The following CAND2 variants were observed in gnomAD, a reference collection of about 807,000 sequenced individuals.
CAND2 encodes the protein cullin-associated NEDD8-dissociated protein 2.
CAND2 carries 62 observed loss-of-function variants against 98.9 expected under a neutral mutation model. That is an observed-to-expected ratio of 0.63 (90% CI 0.51 to 0.77). The LOEUF (loss-of-function observed/expected upper bound fraction) is 0.77. Among genes scored for constraint, CAND2 ranks in the 30% least tolerant of loss-of-function variants. The pLI is 0.00. For missense variants in CAND2, 1,501 were observed against 1,655.2 expected (o/e 0.91, Z 1.62); for synonymous variants, 770 against 731.9 (o/e 1.05, Z -0.84).
At chr3:12,800,468 G>A (rs780123988) in intron 1 of CAND2, among the ~76,000 whole-genome samples, 1 of 152,200 alleles carries the variant, frequency 6.6e-6, no homozygotes, top group Non-Finnish European at 1.5e-5. Flanking sequence ...AGCAGGGTCA[G>A]TAAAAGCTGG....
rs566255061 is a variant in CAND2, at chr3:12,834,356, T to A, written c.*374T>A. On this transcript the variant is annotated 3_prime_UTR_variant, in exon 15 of 15. Coordinates refer to ENST00000456430, the MANE Select transcript of CAND2 (RefSeq NM_001162499.2). ...AGGCTGTGCTGTCAGCTGTAAAAGA[T>A]CAGGAGGCAGCAGACACCACTCTGG... 1.9e-4 allele frequency: 40 copies of A among 211,802 alleles called. No homozygotes were observed. Among genetic ancestry groups the A allele is most frequent in the African/African-American group, 7.0e-4 (31 of 44,492 alleles). 13.1% of individuals were successfully genotyped at this position (211,802 alleles called of 1,614,324 possible).
Position 12,812,997 on chromosome 3 carries a change from C to A in CAND2, c.765C>A (p.His255Gln), listed in dbSNP as rs2061865443. 6.4e-7 allele frequency: 1 copy of A among 1,569,914 alleles called. No homozygotes were observed. The highest frequency in any genetic ancestry group is 1.3e-5 in the African/African-American group (1 of 74,488). ...GRQAGHRLGA[H>Q]LDRLVPLVED... The stretch of plus-strand genomic sequence containing the variant: ...ATCCACCTGGCCCTGCAGGGGCTCA[C>A]CTGGACCGCCTGGTGCCCCTGGTGG... The change falls in exon 6 of 15, where the codon CAC (histidine) becomes CAA (glutamine). Residue 255 changes from histidine to glutamine, a missense_variant. Physicochemically the swap from His to Gln is conservative, Grantham distance 24. Around this residue, in one of 3 missense-constraint regions of CAND2, gnomAD observed 1,427 missense variants for 1,545.3 expected, o/e 0.92. Transcript: ENST00000456430.
At chr3:12,822,588 C>T (rs1238766437) in intron 11 of CAND2, among the ~76,000 whole-genome samples, 3 of 152,144 alleles carry the variant, frequency 2.0e-5, no homozygotes, top group Admixed American at 6.5e-5. Flanking sequence ...CGTGAGCCCC[C>T]GTGCCCAGCC....
At chr3:12,797,772 C>T (rs1042592665) in intron 1 of CAND2, among the ~76,000 whole-genome samples, 3 of 80,470 alleles carry the variant, frequency 3.7e-5, no homozygotes, top group Non-Finnish European at 7.0e-5. Flanking sequence ...TAGGTTCAGT[C>T]ACAGCGAGGA....
At position 12,816,745 on chromosome 3, in the gene CAND2, C is replaced by T. The variant is rs367818782; in HGVS notation, c.1813C>T (p.Arg605Trp). Residue 605 changes from arginine to tryptophan, a missense_variant, in exon 10 of 15, where the codon CGG (arginine) becomes TGG (tryptophan). Arg to Trp is a moderately radical substitution (Grantham distance 101). Coordinates refer to ENST00000456430, the MANE Select transcript of CAND2 (RefSeq NM_001162499.2). Reference sequence around the variant, plus strand: ...CCACCTTGTAGGCCACCTGGGTGACCGGCTTGGGGATGACCTGGAGCCCAC... The same window carrying T: ...CCACCTTGTAGGCCACCTGGGTGACTGGCTTGGGGATGACCTGGAGCCCAC... ...MGHLVGHLGDRLGDDLEPTLL... is the reference protein window; with the variant it reads ...MGHLVGHLGDWLGDDLEPTLL... 5.6e-5 allele frequency: 90 copies of T among 1,613,506 alleles called. No individual in the cohort carries two copies. Among genetic ancestry groups the T allele is most frequent in the East Asian group, 2.7e-4 (12 of 44,886 alleles).
In CAND2 at chr3:12,815,067, C is replaced by T; in HGVS notation, c.1007-74C>T. 1 of 1,471,184 alleles carries T rather than the reference C, an allele frequency of 6.8e-7. No homozygotes were observed. The highest frequency in any genetic ancestry group is 9.3e-7 in the Non-Finnish European group (1 of 1,074,670). 91.1% of individuals were successfully genotyped at this position (1,471,184 alleles called of 1,614,324 possible). On this transcript the variant is annotated intron_variant, in intron 7 of 14. Transcript: ENST00000456430. The surrounding 1 kb of genome is among the most constrained non-coding windows in gnomAD (Gnocchi z 5.7). ...CACAGTGCCCAGCTCTCTCTCCTCC[C>T]TGTCCCTTCTCCCCCGAGCCACAGA...
chr3:12,828,948 C>G (rs954879711), intron 13 of CAND2, among the ~76,000 whole-genome samples: 6 of 152,166 alleles, frequency 3.9e-5, no homozygotes, highest in Non-Finnish European at 8.8e-5. Flanking sequence ...ACCCATTCAT[C>G]CATCGCTGGA....
intron 2 of CAND2, 123 bp from the exon 3 acceptor site, chr3:12,807,183 C>A: frequency 1.2e-6 from 1 of 852,874 alleles, no homozygotes; most frequent in Non-Finnish European, 1.8e-6. Flanking sequence ...CAGGGGCTCC[C>A]CTGATGATCT....
chr3:12,811,753 G>T (rs957078902), intron 5 of CAND2, among the ~76,000 whole-genome samples: 4 of 152,170 alleles, frequency 2.6e-5, no homozygotes, highest in East Asian at 3.9e-4. Context: ...TGTATTTTTA[G>T]TAGAGACGGG....
At position 12,827,609 on chromosome 3, in the gene CAND2, G is replaced by A; in HGVS notation, c.3375+5G>A. The A allele has an allele frequency of 6.2e-7, 1 of 1,602,744 alleles. No individual in the cohort carries two copies. Among genetic ancestry groups the A allele is most frequent in the Non-Finnish European group, 8.5e-7 (1 of 1,172,902 alleles). The stretch of plus-strand genomic sequence containing the variant: ...AAGGACCACTACGACATCCGGGTAA[G>A]ACCAAGCCCCCTGCCAGATCTATGT... On this transcript the variant is annotated splice_donor_5th_base_variant and intron_variant, in intron 13 of 14. Coordinates refer to ENST00000456430, the MANE Select transcript of CAND2 (RefSeq NM_001162499.2).
intron 14 of CAND2, among the ~76,000 whole-genome samples, chr3:12,833,193 T>C (rs186619795): frequency 6.6e-6 from 1 of 152,300 alleles, no homozygotes; most frequent in African/African-American, 2.4e-5. Context: ...GTGGAGGAAT[T>C]ACTGAGCTCC....
rs190827980 is a variant in CAND2 at position 12,833,836 on chromosome 3, C to T, written c.3565C>T (p.Leu1189=). The part of the protein sequence containing the change: ...RSAMRAVAAL[L]TIPEVGKSPI... ...TGCAATGAGGGCAGTGGCTGCCCTG[C>T]TGACCATCCCCGAGGTGGGGAAAAG... Residue 1189 remains leucine (L), a synonymous_variant, in exon 15 of 15, where the codon CTG becomes TTG. Transcript: ENST00000456430. The T allele has an allele frequency of 2.2e-4, 353 of 1,614,154 alleles. 2 individuals are homozygous for T. In the East Asian group the frequency reaches 7.6e-3, roughly 35 times the overall value.
chr3:12,813,004 C>T lies in CAND2; in HGVS notation c.772C>T (p.Arg258Cys), dbSNP rs747292902. The change falls in exon 6 of 15, where the codon CGC (arginine) becomes TGC (cysteine). Residue 258 changes from arginine to cysteine, a missense_variant. Coordinates refer to ENST00000456430, the MANE Select transcript of CAND2 (RefSeq NM_001162499.2). ...TGGCCCTGCAGGGGCTCACCTGGAC[C>T]GCCTGGTGCCCCTGGTGGAGGATTT... is the stretch of plus-strand genomic sequence containing the variant. Reference protein sequence around the residue: ...AGHRLGAHLDRLVPLVEDFCN... With the variant: ...AGHRLGAHLDCLVPLVEDFCN... 19 of 1,573,760 alleles carry T rather than the reference C, an allele frequency of 1.2e-5. No homozygotes were observed. The highest frequency in any genetic ancestry group is 6.9e-5 in the East Asian group (3 of 43,712).
intron 1 of CAND2, among the ~76,000 whole-genome samples, chr3:12,797,038 G>T (rs887966832): frequency 6.6e-6 from 1 of 151,322 alleles, no homozygotes; most frequent in Non-Finnish European, 1.5e-5. Context: ...GTCTCCCACC[G>T]TGCAGGCTTC....
At chr3:12,830,118 G>A (rs2062041048) in intron 13 of CAND2, among the ~76,000 whole-genome samples, 1 of 152,096 alleles carries the variant, frequency 6.6e-6, no homozygotes, top group Non-Finnish European at 1.5e-5. Flanking sequence ...TTCCTGGGAC[G>A]CTCCTTCCTG....
chr3:12,812,477 T>C (rs2061861275), intron 5 of CAND2, among the ~76,000 whole-genome samples: 4 of 134,708 alleles, frequency 3.0e-5, no homozygotes, highest in African/African-American at 8.6e-5. Context: ...CAATCTCGGC[T>C]CACTGCAAGC....
Position 12,815,566 on chromosome 3 carries a change from G to C in CAND2, c.1299+133G>C, listed in dbSNP as rs538545120. The C allele has an allele frequency of 9.9e-6, 10 of 1,007,970 alleles. No homozygotes were observed. The highest frequency in any genetic ancestry group is 3.3e-5 in the African/African-American group (2 of 61,388). 62.4% of individuals were successfully genotyped at this position (1,007,970 alleles called of 1,614,324 possible). A position where few individuals can be genotyped will look rare whatever the true frequency, so the allele number is the denominator to read the frequency against. Reference sequence around the variant, plus strand: ...AGGGAAGGGAAGGGGTCCCTGGGGTGGGGGGCGGGAGCCAGCCAGGCTTCT... The same window carrying C: ...AGGGAAGGGAAGGGGTCCCTGGGGTCGGGGGCGGGAGCCAGCCAGGCTTCT... On this transcript the variant is annotated intron_variant, in intron 8 of 14. Transcript: ENST00000456430. The surrounding 1 kb of genome is among the most constrained non-coding windows in gnomAD (Gnocchi z 5.7).
At chr3:12,825,965 G>T (rs2061996168) in intron 12 of CAND2, among the ~76,000 whole-genome samples, 1 of 152,218 alleles carries the variant, frequency 6.6e-6, no homozygotes, top group Non-Finnish European at 1.5e-5. Context: ...TTTGACAGGT[G>T]TTCACTGAAC....
rs61305315 is a variant in CAND2 at position 12,825,650 on chromosome 3, G to GAGCTGGGGACCCAGGGGA, written c.3210+20_3210+37dup. ...GACCTCATCCGAGAGGTGTGGAGCA[G>GAGCTGGGGACCCAGGGGA]AGCTGGGGACCCAGGGGAAGCTGGG... On this transcript the variant is annotated intron_variant, in intron 12 of 14. Coordinates refer to ENST00000456430, the MANE Select transcript of CAND2 (RefSeq NM_001162499.2). The GAGCTGGGGACCCAGGGGA allele has an allele frequency of 0.026, 41,997 of 1,589,408 alleles. 775 individuals are homozygous for GAGCTGGGGACCCAGGGGA. Among genetic ancestry groups the GAGCTGGGGACCCAGGGGA allele is most frequent in the Non-Finnish European group, 0.03 (34,953 of 1,167,248 alleles).
Sources: allele counts gnomAD v4.1 joint callset (sites outside exome capture counted in the v4.1 genomes callset), GRCh38; gene constraint gnomAD v4.1.1; regional missense constraint gnomAD v4.1.1; non-coding constraint Gnocchi (gnomAD v3.1); transcripts MANE v1.5; gene names NCBI Gene and HGNC (gene_info 2026-07-23, HGNC 2026-07-21).